CAMK2D: variants seen among roughly 807,000 people sequenced by gnomAD.
CAMK2D encodes the protein calcium/calmodulin-dependent protein kinase type II subunit delta.
In CAMK2D, 37 loss-of-function variants were observed where a neutral mutation model predicts 84.0. That is an observed-to-expected ratio of 0.44 (90% CI 0.34 to 0.58). The LOEUF (loss-of-function observed/expected upper bound fraction) is 0.58. Ranked by LOEUF, CAMK2D falls within the 20% of genes least tolerant of loss-of-function variation. CAMK2D has a pLI of 0.02. For missense variants in CAMK2D, 448 were observed against 652.5 expected (o/e 0.69, Z 3.41); for synonymous variants, 202 against 212.5 (o/e 0.95, Z 0.43).
At chr4:113,473,435 A>G (rs2097569930) in intron 16 of CAMK2D, among the ~76,000 whole-genome samples, 1 of 152,112 alleles carries the variant, frequency 6.6e-6, no homozygotes, top group South Asian at 2.1e-4. Context: ...GGGGAGAGGA[A>G]TTTTCATAAT....
At chr4:113,598,206 C>G (rs2098936178) in intron 4 of CAMK2D, among the ~76,000 whole-genome samples, 1 of 152,232 alleles carries the variant, frequency 6.6e-6, no homozygotes, top group South Asian at 2.1e-4. Context: ...CGGTACAGAA[C>G]AGATCTTTGA....
intron 2 of CAMK2D, among the ~76,000 whole-genome samples, chr4:113,720,121 C>G (rs1423817279): frequency 6.6e-6 from 1 of 152,004 alleles, no homozygotes; most frequent in Non-Finnish European, 1.5e-5. Context: ...TTGCTATCAA[C>G]AGTTCTCAGA....
chr4:113,570,871 G>A lies in CAMK2D; in HGVS notation c.276-18775C>T, dbSNP rs192555322. On this transcript the variant is annotated intron_variant, in intron 4 of 20. Transcript: ENST00000511664. ...AGAGTGAAGAGACAACCTAGAGAAT[G>A]AGAGAATATATTTGCAAACCATACA... Among the ~76,000 whole-genome samples, 356 of 152,264 alleles carry A rather than the reference G, an allele frequency of 2.3e-3. 5 individuals are homozygous for A. Among genetic ancestry groups the A allele is most frequent in the Middle Eastern group, 0.01 (3 of 292 alleles).
At chr4:113,756,960 T>C (rs1475619455) in intron 2 of CAMK2D, among the ~76,000 whole-genome samples, 1 of 152,108 alleles carries the variant, frequency 6.6e-6, no homozygotes, top group Non-Finnish European at 1.5e-5. Flanking sequence ...TTCTGTAATT[T>C]TTCAGGAGAA....
chr4:113,461,545 CTG>C (rs2097373624), intron 17 of CAMK2D, among the ~76,000 whole-genome samples: 1 of 152,028 alleles, frequency 6.6e-6, no homozygotes, highest in South Asian at 2.1e-4. Context: ...AGCAGGGTCA[CTG>C]TGTTATGTGT....
At chr4:113,621,351 G>C (rs2099045457) in intron 3 of CAMK2D, among the ~76,000 whole-genome samples, 1 of 152,116 alleles carries the variant, frequency 6.6e-6, no homozygotes, top group Admixed American at 6.5e-5. Context: ...CATTTTAAAT[G>C]TTCTCAATAA....
chr4:113,609,520 C>G (rs1031641483), intron 3 of CAMK2D, among the ~76,000 whole-genome samples: 1 of 152,108 alleles, frequency 6.6e-6, no homozygotes, highest in African/African-American at 2.4e-5. Context: ...GAGGTGAATA[C>G]TAAACAAATG....
At position 113,462,267 on chromosome 4, in the gene CAMK2D, TGTG is replaced by T. The variant is rs879277432; in HGVS notation, c.1212-2029_1212-2027del. 4.2e-3 allele frequency among the ~76,000 whole-genome samples: 199 copies of T among 47,424 alleles called. 1 individual carries two copies. The highest frequency in any genetic ancestry group is 6.0e-3 in the Non-Finnish European group (149 of 24,938). The allele number at this position is 47,424 out of a possible 152,430, so 31.1% of individuals were successfully genotyped here. A position where few individuals can be genotyped will look rare whatever the true frequency, so the allele number is the denominator to read the frequency against. ...GAAAAAGAGTCAGTATATTTGGAAA[TGTG>T]TGTGTGTGTGTGTGTGTGTGTGTGT... On this transcript the variant is annotated intron_variant, in intron 17 of 20. Coordinates refer to ENST00000511664, the MANE Select transcript of CAMK2D (RefSeq NM_001321571.2).
chr4:113,529,947 A>G (rs1342083958), intron 8 of CAMK2D, among the ~76,000 whole-genome samples: 2 of 152,214 alleles, frequency 1.3e-5, no homozygotes, highest in African/African-American at 2.4e-5. Context: ...CAGCATTAGC[A>G]TCACCTGAGA....
intron 2 of CAMK2D, among the ~76,000 whole-genome samples, chr4:113,727,720 C>G (rs529861613): frequency 1.3e-5 from 2 of 151,962 alleles, no homozygotes; most frequent in African/African-American, 4.8e-5. Context: ...ACTAGAGAAA[C>G]GAATAGGCAA....
Position 113,494,239 on chromosome 4 carries a change from T to C in CAMK2D, c.1135+6224A>G, listed in dbSNP as rs184830101. On this transcript the variant is annotated intron_variant, in intron 16 of 20. Transcript: ENST00000511664. ...CTCTGCTTTTTAGAGTTTCCAGTTT[T>C]TCTTTTCTGTTTTTTCCCCAACTTT... is the stretch of plus-strand genomic sequence containing the variant. Among the ~76,000 whole-genome samples, 192 of 152,384 alleles carry C rather than the reference T, an allele frequency of 1.3e-3. 1 individual carries two copies. The highest frequency in any genetic ancestry group is 4.3e-3 in the African/African-American group (180 of 41,590).
intron 2 of CAMK2D, among the ~76,000 whole-genome samples, chr4:113,718,626 T>G (rs982779059): frequency 1.3e-5 from 2 of 152,152 alleles, no homozygotes; most frequent in Non-Finnish European, 2.9e-5. Context: ...GGCACTCTAG[T>G]CCCCAGGCAG....
chr4:113,505,871 C>T (rs768277055), intron 13 of CAMK2D, among the ~76,000 whole-genome samples: 3 of 152,090 alleles, frequency 2.0e-5, no homozygotes, highest in Non-Finnish European at 4.4e-5. Flanking sequence ...TCTTTGTAGA[C>T]AAGTGGCAAT....
At chr4:113,754,414 T>A in intron 2 of CAMK2D, 2 of 962,764 alleles carry the variant, frequency 2.1e-6, no homozygotes, top group Non-Finnish European at 2.5e-6. Context: ...ATGTAAGATT[T>A]CTAGTAATTC....
chr4:113,548,793 A>G, intron 5 of CAMK2D: 1 of 730,890 alleles, frequency 1.4e-6, no homozygotes, highest in Non-Finnish European at 2.4e-6. Flanking sequence ...CACATTGAAT[A>G]TGAAATAAAA....
intron 12 of CAMK2D, 30 bp from the exon 13 acceptor site, chr4:113,509,705 G>GAGTT (rs2098184292): frequency 6.4e-7 from 1 of 1,557,394 alleles, no homozygotes; most frequent in South Asian, 1.1e-5. Flanking sequence ...TCAGTTTAGT[G>GAGTT]AGTTATCCAT....
At chr4:113,736,619 T>C (rs1258765605) in intron 2 of CAMK2D, among the ~76,000 whole-genome samples, 1 of 152,212 alleles carries the variant, frequency 6.6e-6, no homozygotes, top group African/African-American at 2.4e-5. Context: ...GTCTAGGACA[T>C]TGACAGCACT....
At chr4:113,716,649 CA>C (rs397750449) in intron 2 of CAMK2D, among the ~76,000 whole-genome samples, 1,738 of 76,040 alleles carry the variant, frequency 0.023, 30 homozygotes, top group African/African-American at 0.079. Context: ...AGACTCCATC[CA>C]AAAAAAAAAA....
At position 113,751,585 on chromosome 4, in the gene CAMK2D, C is replaced by T. The variant is rs137978864; in HGVS notation, c.160+7735G>A. 4.7e-3 allele frequency among the ~76,000 whole-genome samples: 721 copies of T among 152,146 alleles called. 7 individuals carry two copies. Among genetic ancestry groups the T allele is most frequent in the African/African-American group, 0.017 (696 of 41,512 alleles). ...CGGTGTTCGAGACCAGCCTGACCAA[C>T]ATGGTGAAATCCTGCCTCTACTAAA... On this transcript the variant is annotated intron_variant, in intron 2 of 20. Coordinates refer to ENST00000511664, the MANE Select transcript of CAMK2D (RefSeq NM_001321571.2).
Sources: gnomAD v4.1 joint callset for allele counts (sites outside exome capture counted in the v4.1 genomes callset) on GRCh38, gnomAD v4.1.1 for gene constraint, MANE v1.5 for transcripts, NCBI Gene and HGNC (gene_info 2026-07-23, HGNC 2026-07-21) for gene names.